Variants in NOXA1 observed in about 807,000 individuals in gnomAD.
NOXA1 encodes NCF2-like protein.
In NOXA1, 56 loss-of-function variants were observed where a neutral mutation model predicts 64.8. That is an observed-to-expected ratio of 0.86 (90% confidence interval 0.70 to 1.08). The LOEUF (loss-of-function observed/expected upper bound fraction) is 1.08, where lower values mean the gene tolerates loss of function less well. Among genes scored for constraint, NOXA1 ranks in the 50% least tolerant of loss-of-function variants. The pLI, the probability that NOXA1 is intolerant of heterozygous loss-of-function variation, is 0.00. For missense variants in NOXA1, 668 were observed against 658.5 expected, an observed-to-expected ratio of 1.01 and a Z score of -0.16; for synonymous variants, 295 against 294.8, an observed-to-expected ratio of 1.00 and a Z score of -0.01.
chr9:137,426,292 C>T lies in NOXA1; in HGVS notation c.222C>T (p.Gly74=). 6.2e-7 allele frequency: 1 copy of T among 1,613,820 alleles called. No individual in the cohort carries two copies. The highest frequency in any genetic ancestry group is 2.2e-5 in the East Asian group (1 of 44,880). Residue 74 remains glycine, a synonymous_variant, in exon 2 of 14, where the codon GGC becomes GGT. Coordinates refer to ENST00000683555, the MANE Select transcript of NOXA1 (RefSeq NM_001256067.2). ...CCAAGGACACCTGCATGGCGGTTGG[C>T]TTCTTCCAGCGAGGAGTGGCCAACT... The part of the protein sequence containing the change: ...AVTKDTCMAV[G]FFQRGVANFQ...
intron 13 of NOXA1, 33 bp from the exon 14 acceptor site, chr9:137,434,191 A>T: frequency 1.3e-6 from 2 of 1,593,700 alleles, no homozygotes; most frequent in South Asian, 2.2e-5. Context: ...ACGCCTGGGT[A>T]ACGCCCTGCA....
Position 137,431,110 on chromosome 9 carries a change from G to T in NOXA1, c.698+10G>T, listed in dbSNP as rs2131888569. 3 of 1,613,128 alleles carry T rather than the reference G, an allele frequency of 1.9e-6. No homozygotes were observed. The highest frequency in any genetic ancestry group is 1.7e-4 in the Middle Eastern group (1 of 6,060). ...CGAACCATGATGCCAGGTAGGAGGG[G>T]CTGACTGGGCCCTGCGAGCGCGTGC... On this transcript the variant is annotated intron_variant, in intron 7 of 13. Transcript: ENST00000683555. The surrounding 1 kb of genome is among the most constrained non-coding windows in gnomAD (Gnocchi z 5.6).
intron 2 of NOXA1, among the ~76,000 whole-genome samples, chr9:137,426,712 C>A (rs554406925): frequency 4.6e-5 from 7 of 152,266 alleles, no homozygotes; most frequent in African/African-American, 1.7e-4. Flanking sequence ...GCCTCGCAAT[C>A]CTGAAATATC....
intron 1 of NOXA1, among the ~76,000 whole-genome samples, chr9:137,425,393 A>G (rs1838811298): frequency 6.6e-6 from 1 of 152,076 alleles, no homozygotes; most frequent in South Asian, 2.1e-4. Context: ...TTTTTATTTT[A>G]TTTATTTTTT....
In NOXA1 at chr9:137,428,933, GCGGC is replaced by G; in HGVS notation, c.423_426del (p.Ser143AlafsTer2). On this transcript the variant is annotated frameshift_variant, in exon 4 of 14. Transcript: ENST00000683555. LOFTEE classifies it high-confidence loss of function. Reference sequence around the variant, plus strand: ...GTGCCAGCTGGGGCTCTGGACAGAGGCGGCCAGCAGCCTAAGGGAGGCCATGTCC... The same window carrying G: ...GTGCCAGCTGGGGCTCTGGACAGAGGCAGCAGCCTAAGGGAGGCCATGTCC... 1 of 1,596,270 alleles carries G rather than the reference GCGGC, an allele frequency of 6.3e-7. No individual in the cohort carries two copies.
rs370614892 is a variant in NOXA1 at position 137,430,779 on chromosome 9, G to C, written c.613-5G>C. On this transcript the variant is annotated splice_polypyrimidine_tract_variant and splice_region_variant and intron_variant, in intron 5 of 13. Transcript: ENST00000683555. ...CTGACCCAGCGTCCCCACTGTCCCC[G>C]CCAGGTGGTGGCCTCTGCCATCCCC... 1 of 1,593,010 alleles carries C rather than the reference G, an allele frequency of 6.3e-7. No individual in the cohort carries two copies. The highest frequency in any genetic ancestry group is 8.5e-7 in the Non-Finnish European group (1 of 1,175,462).
chr9:137,433,419 A>C, intron 10 of NOXA1, 34 bp from the exon 11 acceptor site: 1 of 1,572,582 alleles, frequency 6.4e-7, no homozygotes, highest in East Asian at 2.3e-5. Context: ...CCTGGGCCTC[A>C]GCGACCACCC....
At chr9:137,430,021 G>T (rs1839029674) in intron 5 of NOXA1, among the ~76,000 whole-genome samples, 1 of 129,206 alleles carries the variant, frequency 7.7e-6, no homozygotes, top group African/African-American at 3.1e-5. Flanking sequence ...GTCCCGGGGG[G>T]GGTGCCTGTG....
At chr9:137,425,041 G>A (rs1281666227) in intron 1 of NOXA1, among the ~76,000 whole-genome samples, 2 of 152,226 alleles carry the variant, frequency 1.3e-5, no homozygotes, top group African/African-American at 4.8e-5. Flanking sequence ...GGAGCCTTGC[G>A]TGACGTTTGG....
intron 3 of NOXA1, among the ~76,000 whole-genome samples, chr9:137,428,377 G>A (rs898332189): frequency 2.0e-5 from 3 of 152,118 alleles, no homozygotes; most frequent in African/African-American, 4.8e-5. Context: ...GGGCAGAGGC[G>A]AAAGGCTGCT....
At position 137,427,425 on chromosome 9, in the gene NOXA1, G is replaced by A. The variant is rs78703495; in HGVS notation, c.261-608G>A. ...TTCAGGGACCACCACATACGCAGTC[G>A]CCCAGAGAGCCCGGATCTGGAGATA... On this transcript the variant is annotated intron_variant, in intron 2 of 13. Coordinates refer to ENST00000683555, the MANE Select transcript of NOXA1 (RefSeq NM_001256067.2). Among the ~76,000 whole-genome samples, 245 of 152,336 alleles carry A rather than the reference G, an allele frequency of 1.6e-3. 6 individuals carry two copies. In the East Asian group the frequency reaches 0.032, roughly 20 times the overall value.
At chr9:137,430,935 C>T (rs768681339) in intron 6 of NOXA1, 92 bp downstream of exon 6, 43 of 1,547,250 alleles carry the variant, frequency 2.8e-5, no homozygotes, top group Non-Finnish European at 3.5e-5. Context: ...CCTGGGGCTG[C>T]GAAGTTCCTC....
At chr9:137,428,407 A>T (rs759701147) in intron 3 of NOXA1, among the ~76,000 whole-genome samples, 11 of 151,076 alleles carry the variant, frequency 7.3e-5, no homozygotes, top group Non-Finnish European at 1.6e-4. Flanking sequence ...GGGAGCAGGC[A>T]GGGGGTTGTG....
At chr9:137,434,145 G>C in intron 13 of NOXA1, 66 bp downstream of exon 13, 1 of 1,581,126 alleles carries the variant, frequency 6.3e-7, no homozygotes, top group Non-Finnish European at 8.6e-7. Flanking sequence ...CTTAGAGCTC[G>C]GCCTGTGCTG....
intron 11 of NOXA1, 64 bp downstream of exon 11, chr9:137,433,671 TG>T: frequency 1.3e-6 from 2 of 1,513,886 alleles, no homozygotes; most frequent in Non-Finnish European, 1.8e-6. Flanking sequence ...AGGCAGCTGC[TG>T]GAAGAGGGGG....
Position 137,434,288 on chromosome 9 carries a change from G to A in NOXA1, c.1359G>A (p.Val453=), listed in dbSNP as rs896903156. 1.1e-5 allele frequency: 17 copies of A among 1,610,990 alleles called. No homozygotes were observed. Among genetic ancestry groups the A allele is most frequent in the Non-Finnish European group, 1.4e-5 (17 of 1,179,640 alleles). Residue 453 remains valine, a synonymous_variant, in exon 14 of 14, where the codon GTG becomes GTA. Coordinates refer to ENST00000683555, the MANE Select transcript of NOXA1 (RefSeq NM_001256067.2). ...TCGGCATCTTCCCCAAGTGCTTCGT[G>A]GTCCCCGCCGGCCCTCGGATGTCAG... The part of the protein sequence containing the change: ...GRIGIFPKCF[V]VPAGPRMSGA...
Position 137,431,352 on chromosome 9 carries a change from C to T in NOXA1, c.804+11C>T. The T allele has an allele frequency of 6.2e-7, 1 of 1,601,322 alleles. No individual in the cohort carries two copies. Among genetic ancestry groups the T allele is most frequent in the Non-Finnish European group, 8.5e-7 (1 of 1,176,236 alleles). The stretch of plus-strand genomic sequence containing the variant: ...GCCTACCAGGAGCAGGTGCGTGGGC[C>T]TGGGCCTCTTCCCCTGCTGGGGGTC... On this transcript the variant is annotated intron_variant, in intron 8 of 13. Transcript: ENST00000683555. The surrounding 1 kb of genome is among the most constrained non-coding windows in gnomAD (Gnocchi z 5.6).
At position 137,428,242 on chromosome 9, in the gene NOXA1, G is replaced by A. The variant is rs549706642; in HGVS notation, c.369+101G>A. ...TGTGGACTGGGGAGCGCCTCTGGCC[G>A]AAGCTCTTGGTGCCATGGAATACCC... On this transcript the variant is annotated intron_variant, in intron 3 of 13. Transcript: ENST00000683555. 1.9e-4 allele frequency: 159 copies of A among 815,514 alleles called. No homozygotes were observed. In the East Asian group the frequency reaches 3.6e-3, roughly 19 times the overall value. The allele number at this position is 815,514 out of a possible 1,614,324, so 50.5% of individuals were successfully genotyped here. A position where few individuals can be genotyped will look rare whatever the true frequency, so the allele number is the denominator to read the frequency against.
Position 137,423,426 on chromosome 9 carries a change from C to G in NOXA1, c.-104C>G, listed in dbSNP as rs1838657554. The G allele has an allele frequency of 6.7e-6, 5 of 740,816 alleles. No individual in the cohort carries two copies. Among genetic ancestry groups the G allele is most frequent in the African/African-American group, 1.9e-5 (1 of 53,306 alleles). The allele number at this position is 740,816 out of a possible 1,614,324, so 45.9% of individuals were successfully genotyped here. On this transcript the variant is annotated 5_prime_UTR_variant, in exon 1 of 14. Coordinates refer to ENST00000683555, the MANE Select transcript of NOXA1 (RefSeq NM_001256067.2). Reference sequence around the variant, plus strand: ...TGCACCTGGCGCTTGGCGCCCGCACCTCTGCCCGCCTCGGAGACCCCGCAG... The same window carrying G: ...TGCACCTGGCGCTTGGCGCCCGCACGTCTGCCCGCCTCGGAGACCCCGCAG...
Sources: allele counts gnomAD v4.1 joint callset (sites outside exome capture counted in the v4.1 genomes callset), GRCh38; gene constraint gnomAD v4.1.1; non-coding constraint Gnocchi (gnomAD v3.1); transcripts MANE v1.5; gene names NCBI Gene and HGNC (gene_info 2026-07-23, HGNC 2026-07-21).